KALRN: variants seen among roughly 807,000 people sequenced by gnomAD.
KALRN encodes the protein kalirin.
In KALRN, 70 loss-of-function variants were observed where a neutral mutation model predicts 353.7. That is an observed-to-expected ratio of 0.20 (90% CI 0.16 to 0.24). KALRN has a LOEUF of 0.24. KALRN is among the 10% of genes least tolerant of loss of function. KALRN has a pLI of 1.00. For missense variants in KALRN, 2,791 were observed against 3,756.7 expected, an observed-to-expected ratio of 0.74 and a Z score of 6.72; for synonymous variants, 1,391 against 1,434.8, an observed-to-expected ratio of 0.97 and a Z score of 0.69.
At chr3:124,347,287 T>A (rs1486711541) in intron 10 of KALRN, 22 bp downstream of exon 10, 1 of 1,371,674 alleles carries the variant, frequency 7.3e-7, no homozygotes, top group East Asian at 2.4e-5. Context: ...TGTGTGTGTG[T>A]GTGTGTGTGT....
At chr3:124,543,099 T>G (rs2069220059) in intron 33 of KALRN, among the ~76,000 whole-genome samples, 2 of 152,266 alleles carry the variant, frequency 1.3e-5, no homozygotes, top group African/African-American at 4.8e-5. Flanking sequence ...GGTGGCTGGC[T>G]TCCCCCGGAG....
Position 124,326,054 on chromosome 3 carries a change from A to G in KALRN, c.1167A>G (p.Gln389=). The G allele has an allele frequency of 6.2e-7, 1 of 1,613,734 alleles. No individual in the cohort carries two copies. Among genetic ancestry groups the G allele is most frequent in the South Asian group, 1.1e-5 (1 of 90,978 alleles). The change falls in exon 7 of 60, where the codon CAA becomes CAG. Residue 389 remains glutamine, a synonymous_variant. Coordinates refer to ENST00000682506, the MANE Select transcript of KALRN (RefSeq NM_001388419.1). ...CTGAGGCCGGTCATTATGCCTCACA[A>G]CAAATCAAGCAGATCTCCACCCAGC... ...RLSEAGHYAS[Q]QIKQISTQLD...
rs2063404854 is a variant in KALRN, at chr3:124,725,213, T to C, written c.*5743T>C. The C allele has an allele frequency of 6.6e-6, 1 of 152,204 alleles. No individual in the cohort carries two copies. The highest frequency in any genetic ancestry group is 6.5e-5 in the Admixed American group (1 of 15,280). 9.4% of individuals were successfully genotyped at this position (152,204 alleles called of 1,614,324 possible). A position where few individuals can be genotyped will look rare whatever the true frequency, so the allele number is the denominator to read the frequency against. On this transcript the variant is annotated 3_prime_UTR_variant, in exon 60 of 60. Transcript: ENST00000682506. Reference sequence around the variant, plus strand: ...TGACCTCAAAGACTGTGGCTACGAATCTGAAGTTAACAAGACATACATCTT... The same window carrying C: ...TGACCTCAAAGACTGTGGCTACGAACCTGAAGTTAACAAGACATACATCTT...
At chr3:124,642,324 TAGAAA>T (rs1478357210) in intron 37 of KALRN, among the ~76,000 whole-genome samples, 6 of 145,426 alleles carry the variant, frequency 4.1e-5, no homozygotes, top group African/African-American at 1.3e-4. Context: ...GAGAGAGAGA[TAGAAA>T]AGAAAAGAAA....
At chr3:124,536,363 G>A (rs562207575) in intron 33 of KALRN, among the ~76,000 whole-genome samples, 123 of 151,544 alleles carry the variant, frequency 8.1e-4, no homozygotes, top group African/African-American at 2.7e-3. Flanking sequence ...CACCACGTCC[G>A]GCTAATTTTT....
rs749891135 is a variant in KALRN, at chr3:124,326,013, G to A, written c.1126G>A (p.Val376Met). Residue 376 changes from valine (V) to methionine (M), a missense_variant, in exon 7 of 60, where the codon GTG (valine) becomes ATG (methionine). Around this residue, in one of 11 missense-constraint regions of KALRN, gnomAD observed 366 missense variants for 489.2 expected, o/e 0.75. Transcript: ENST00000682506. ...TGTCAACATCAACCGCATCATGTCC[G>A]TGGCTTCCCGCCTCTCTGAGGCCGG... ...AYVNINRIMS[V>M]ASRLSEAGHY... is the part of the protein sequence containing the mutation. 29 of 1,612,812 alleles carry A rather than the reference G, an allele frequency of 1.8e-5. No individual in the cohort carries two copies. The highest frequency in any genetic ancestry group is 3.3e-5 in the South Asian group (3 of 90,716).
chr3:124,219,471 T>C (rs2077663070), intron 1 of KALRN, among the ~76,000 whole-genome samples: 2 of 152,212 alleles, frequency 1.3e-5, no homozygotes, highest in African/African-American at 4.8e-5. Context: ...GTGTAAAGGC[T>C]GCCCGACCTA....
chr3:124,552,519 T>C (rs2070672652), intron 33 of KALRN, among the ~76,000 whole-genome samples: 1 of 152,338 alleles, frequency 6.6e-6, no homozygotes, highest in Non-Finnish European at 1.5e-5. Flanking sequence ...TTATCTACCC[T>C]GATTTGGCAA....
intron 1 of KALRN, among the ~76,000 whole-genome samples, chr3:124,161,717 A>G (rs1371137811): frequency 6.6e-6 from 1 of 152,188 alleles, no homozygotes; most frequent in Non-Finnish European, 1.5e-5. Flanking sequence ...TTCATTCTCC[A>G]GGCCTGTGGG....
intron 3 of KALRN, among the ~76,000 whole-genome samples, chr3:124,261,492 A>C (rs2072861544): frequency 6.6e-6 from 1 of 152,344 alleles, no homozygotes; most frequent in South Asian, 2.1e-4. Flanking sequence ...GATGCCAATT[A>C]GATTAGGTCA....
At chr3:124,199,997 T>C (rs2075811707) in intron 1 of KALRN, among the ~76,000 whole-genome samples, 1 of 152,222 alleles carries the variant, frequency 6.6e-6, no homozygotes, top group East Asian at 1.9e-4. Context: ...ATTTGCCAGA[T>C]TCCCCATGAC....
chr3:124,669,744 G>T (rs2086146920), intron 47 of KALRN, among the ~76,000 whole-genome samples: 1 of 152,172 alleles, frequency 6.6e-6, no homozygotes. Flanking sequence ...AGAGTCTGTG[G>T]ATGCTCAAGT....
chr3:124,227,877 G>T, intron 1 of KALRN, 113 bp from the exon 2 acceptor site: 1 of 847,108 alleles, frequency 1.2e-6, no homozygotes, highest in African/African-American at 1.7e-5. Flanking sequence ...GTAGGACCTG[G>T]ACAAGGCAGG....
chr3:124,554,826 T>C (rs2071014749), intron 33 of KALRN, among the ~76,000 whole-genome samples: 1 of 152,224 alleles, frequency 6.6e-6, no homozygotes, highest in South Asian at 2.1e-4. Context: ...GGCAGGACAC[T>C]GGAGGTTTTG....
intron 34 of KALRN, among the ~76,000 whole-genome samples, chr3:124,574,629 G>A (rs2073903232): frequency 6.6e-6 from 1 of 152,220 alleles, no homozygotes; most frequent in Non-Finnish European, 1.5e-5. Context: ...TGATAGAGAG[G>A]AGGTTACCCC....
intron 34 of KALRN, among the ~76,000 whole-genome samples, chr3:124,586,600 G>A (rs1014519962): frequency 6.6e-6 from 1 of 152,236 alleles, no homozygotes; most frequent in Admixed American, 6.5e-5. Context: ...AGTGGCTGCT[G>A]GCTCCGTGGC....
chr3:124,197,383 C>T (rs781428608), intron 1 of KALRN, among the ~76,000 whole-genome samples: 3 of 152,190 alleles, frequency 2.0e-5, no homozygotes, highest in African/African-American at 4.8e-5. Context: ...TGGAAGCAAG[C>T]CTTGTGTGCT....
At chr3:124,366,034 A>T (rs998950359) in intron 10 of KALRN, among the ~76,000 whole-genome samples, 2 of 152,142 alleles carry the variant, frequency 1.3e-5, no homozygotes, top group East Asian at 3.8e-4. Context: ...TTCATAGGTG[A>T]TCATTTTTAG....
intron 1 of KALRN, among the ~76,000 whole-genome samples, chr3:124,208,858 C>G (rs1012405527): frequency 6.6e-6 from 1 of 151,622 alleles, no homozygotes; most frequent in Non-Finnish European, 1.5e-5. Flanking sequence ...ACCAGCTACT[C>G]GGGAGGTTGA....
Sources: allele counts gnomAD v4.1 joint callset (sites outside exome capture counted in the v4.1 genomes callset), GRCh38; gene constraint gnomAD v4.1.1; regional missense constraint gnomAD v4.1.1; transcripts MANE v1.5; gene names NCBI Gene and HGNC (gene_info 2026-07-23, HGNC 2026-07-21).